Variants in UTS2 observed in about 807,000 individuals in gnomAD.
The protein encoded by UTS2 is urotensin-2.
Under a neutral mutation model 12.6 loss-of-function variants are expected in UTS2, and 10 were observed. The observed-to-expected ratio is 0.80, with a 90% CI of 0.49 to 1.35. The LOEUF is 1.35. UTS2 is among the 40% of genes most tolerant of loss of function. The pLI is 0.00. For synonymous variants in UTS2, 52 were observed against 50.0 expected (o/e 1.04, Z -0.17); for missense variants, 142 against 143.2 (o/e 0.99, Z 0.04).
chr1:7,870,730 T>A, the UTS2 span, among the ~76,000 whole-genome samples: 1 of 152,258 alleles, frequency 6.6e-6, no homozygotes, highest in Non-Finnish European at 1.5e-5. Flanking sequence ...CTCAAGTTTC[T>A]AAAAACAGAG....
At chr1:7,860,469 A>T in the UTS2 span, among the ~76,000 whole-genome samples, 1 of 152,180 alleles carries the variant, frequency 6.6e-6, no homozygotes, top group Non-Finnish European at 1.5e-5. Context: ...AGGGCAGGTC[A>T]CACAGGCTCC....
the UTS2 span, among the ~76,000 whole-genome samples, chr1:7,863,050 ATTGTATTGTATTGTATT>A: frequency 6.7e-4 from 37 of 55,380 alleles, 4 homozygotes; most frequent in African/African-American, 2.4e-3. Flanking sequence ...ATTGTATTGT[ATTGTATTGTATTGTATT>A]GTATTGTATT....
In UTS2 at chr1:7,852,923, C is replaced by T. The variant is rs1469348459; in HGVS notation, c.81G>A (p.Arg27=). 11 of 1,609,452 alleles carry T rather than the reference C, an allele frequency of 6.8e-6. No individual in the cohort carries two copies. The highest frequency in any genetic ancestry group is 9.3e-6 in the Non-Finnish European group (11 of 1,178,326). ...TACCTGAGAGTTGAAAGGATATTTC[C>T]CTGGAGTCAAGGAGAGGAAGAGATA... The part of the protein sequence containing the change: ...PLLSLPLLDS[R]EISFQLSAPH... Residue 27 remains arginine, a synonymous_variant, in exon 1 of 4, where the codon AGG becomes AGA. Coordinates refer to ENST00000361696, the MANE Select transcript of UTS2 (RefSeq NM_006786.4).
At position 7,847,678 on chromosome 1, in the gene UTS2, T is replaced by G; in HGVS notation, c.*88A>C. 1.8e-6 allele frequency: 2 copies of G among 1,087,074 alleles called. No homozygotes were observed. The highest frequency in any genetic ancestry group is 1.4e-5 in the South Asian group (1 of 70,284). The allele number at this position is 1,087,074 out of a possible 1,614,324, so 67.3% of individuals were successfully genotyped here. On this transcript the variant is annotated 3_prime_UTR_variant, in exon 4 of 4. Coordinates refer to ENST00000361696, the MANE Select transcript of UTS2 (RefSeq NM_006786.4). ...CAGGGTGTAGTTTGCCTAGTTTTTC[T>G]CCACACTGTTTTCAAATCAAGCATT...
chr1:7,867,085 G>A, the UTS2 span, among the ~76,000 whole-genome samples: 1 of 152,070 alleles, frequency 6.6e-6, no homozygotes, highest in Non-Finnish European at 1.5e-5. Context: ...GGTCAGGATG[G>A]TCTTGAACTC....
upstream of UTS2, among the ~76,000 whole-genome samples, chr1:7,857,067 AAGAG>A (rs963989092): frequency 2.4e-4 from 35 of 145,600 alleles, no homozygotes; most frequent in Non-Finnish European, 4.6e-4. Context: ...TAGGAAAAGA[AAGAG>A]AGAGAGAGAG....
chr1:7,889,139 T>G, the UTS2 span, among the ~76,000 whole-genome samples: 48 of 150,208 alleles, frequency 3.2e-4, no homozygotes, highest in Middle Eastern at 0.01. Flanking sequence ...CAAAGTAGAA[T>G]TTGGCCAGGT....
At chr1:7,852,705 G>GA (rs924799990) in intron 1 of UTS2, among the ~76,000 whole-genome samples, 196 bp downstream of exon 1, 1 of 151,708 alleles carries the variant, frequency 6.6e-6, no homozygotes, top group Non-Finnish European at 1.5e-5. Context: ...TGTAGAGACA[G>GA]AAAAAAAACT....
the UTS2 span, among the ~76,000 whole-genome samples, chr1:7,863,095 ATTGTATTGTATTGTATTGT>A: frequency 3.2e-5 from 4 of 123,770 alleles, no homozygotes; most frequent in African/African-American, 1.3e-4. Flanking sequence ...ATTGTATTGT[ATTGTATTGTATTGTATTGT>A]ATTGTATTGT....
chr1:7,852,406 C>G (rs1221167073), intron 1 of UTS2, among the ~76,000 whole-genome samples: 1 of 152,100 alleles, frequency 6.6e-6, no homozygotes, highest in African/African-American at 2.4e-5. Context: ...TATGAACTCC[C>G]TAGTTCCCTA....
chr1:7,892,469 G>GTT, the UTS2 span, among the ~76,000 whole-genome samples: 3,142 of 77,800 alleles, frequency 0.04, 244 homozygotes, highest in South Asian at 0.064. Flanking sequence ...CCTCATGCAT[G>GTT]TTTTTTTTTT....
rs1553332734 is a variant in UTS2, at chr1:7,847,753, T to TG, written c.*12dup. The TG allele has an allele frequency of 6.3e-7, 1 of 1,579,622 alleles. No homozygotes were observed. Among genetic ancestry groups the TG allele is most frequent in the Non-Finnish European group, 8.7e-7 (1 of 1,152,080 alleles). On this transcript the variant is annotated 3_prime_UTR_variant, in exon 4 of 4. Coordinates refer to ENST00000361696, the MANE Select transcript of UTS2 (RefSeq NM_006786.4). ...GGGTGTTTCTGAGCTGACTAACAGATGCTTATTTCACTTCAGACACAGTAT... is the reference window on the plus strand; with the variant it reads ...GGGTGTTTCTGAGCTGACTAACAGATGGCTTATTTCACTTCAGACACAGTAT...
chr1:7,900,480 T>A, the UTS2 span, among the ~76,000 whole-genome samples: 1 of 152,062 alleles, frequency 6.6e-6, no homozygotes, highest in African/African-American at 2.4e-5. Context: ...AAACACCACA[T>A]TAATATTTTG....
the UTS2 span, among the ~76,000 whole-genome samples, chr1:7,874,803 G>C: frequency 6.6e-6 from 1 of 152,184 alleles, no homozygotes; most frequent in African/African-American, 2.4e-5. Context: ...TGGATTACAG[G>C]GGCGGTTTCC....
intron 3 of UTS2, among the ~76,000 whole-genome samples, chr1:7,848,331 C>T (rs1477947040): frequency 2.0e-5 from 3 of 151,782 alleles, no homozygotes; most frequent in African/African-American, 7.3e-5. Context: ...CCCAGCTACT[C>T]GGGAGGCTGA....
chr1:7,859,869 T>C, the UTS2 span, among the ~76,000 whole-genome samples: 6 of 152,114 alleles, frequency 3.9e-5, no homozygotes, highest in African/African-American at 1.4e-4. Flanking sequence ...CATGGTTGCA[T>C]GCACCTGTAG....
At chr1:7,860,240 G>A in the UTS2 span, among the ~76,000 whole-genome samples, 4 of 152,142 alleles carry the variant, frequency 2.6e-5, no homozygotes, top group East Asian at 5.8e-4. Flanking sequence ...TGGGATGGAC[G>A]GGCTCTTTTC....
At chr1:7,902,779 G>A in the UTS2 span, among the ~76,000 whole-genome samples, 5 of 152,132 alleles carry the variant, frequency 3.3e-5, no homozygotes, top group Non-Finnish European at 7.4e-5. Flanking sequence ...ACAGAGGCGG[G>A]CCACTGGCGG....
At chr1:7,903,541 C>T in the UTS2 span, among the ~76,000 whole-genome samples, 4 of 151,908 alleles carry the variant, frequency 2.6e-5, no homozygotes, top group African/African-American at 9.7e-5. Flanking sequence ...AAGTTCCCGC[C>T]ACCATCCCTG....
Sources: gnomAD v4.1 joint callset for allele counts (sites outside exome capture counted in the v4.1 genomes callset) on GRCh38, gnomAD v4.1.1 for gene constraint, MANE v1.5 for transcripts, NCBI Gene and HGNC (gene_info 2026-07-23, HGNC 2026-07-21) for gene names.